GNE: variants seen among roughly 807,000 people sequenced by gnomAD.
GNE encodes bifunctional UDP-N-acetylglucosamine 2-epimerase/N-acetylmannosamine kinase.
A neutral mutation model predicts 61.8 loss-of-function variants in GNE; 41 were observed. The ratio of observed to expected loss-of-function variants is 0.66; its 90% CI spans 0.52 to 0.86. The LOEUF (loss-of-function observed/expected upper bound fraction) is 0.86. Ranked by LOEUF, GNE falls within the 40% of genes least tolerant of loss-of-function variation. The pLI is 0.00. For synonymous variants in GNE, 264 were observed against 326.4 expected (o/e 0.81, Z 2.06); for missense variants, 608 against 909.1 (o/e 0.67, Z 4.26).
At chr9:36,245,153 A>G (rs977915592) in intron 3 of GNE, among the ~76,000 whole-genome samples, 11 of 150,746 alleles carry the variant, frequency 7.3e-5, no homozygotes, top group African/African-American at 2.4e-4. Context: ...AATCCCAGCC[A>G]CTCGGGAGGT....
rs1302965650 is a variant in GNE at position 36,220,532 on chromosome 9, A to G, written c.1634-512T>C. On this transcript the variant is annotated intron_variant, in intron 9 of 11. Coordinates refer to ENST00000642385, the MANE Select transcript of GNE (RefSeq NM_005476.7). ...CCCCTTTGCCCTCAAGTCAACTTCA[A>G]TAATGTTAATATATCCTTAATGGCT... Among the ~76,000 whole-genome samples, 6 of 152,114 alleles carry G rather than the reference A, an allele frequency of 3.9e-5. No homozygotes were observed. The South Asian group carries it at 1.0e-3, about 26-fold the overall frequency.
At chr9:36,226,873 G>A (rs1828890186) in intron 7 of GNE, among the ~76,000 whole-genome samples, 1 of 152,180 alleles carries the variant, frequency 6.6e-6, no homozygotes, top group African/African-American at 2.4e-5. Context: ...CTAGAGAAGA[G>A]GCAGCTCCCT....
intron 3 of GNE, among the ~76,000 whole-genome samples, chr9:36,243,435 A>C (rs1829733600): frequency 6.6e-6 from 1 of 152,324 alleles, no homozygotes; most frequent in East Asian, 1.9e-4. Flanking sequence ...AACAGAATCC[A>C]AGAGTGTTTC....
At chr9:36,256,226 G>T in intron 1 of GNE, among the ~76,000 whole-genome samples, 1 of 128,140 alleles carries the variant, frequency 7.8e-6, no homozygotes, top group South Asian at 2.7e-4. Context: ...TACCCAGCCA[G>T]AGAAACCCAA....
chr9:36,220,474 C>T (rs1398510481), intron 9 of GNE, among the ~76,000 whole-genome samples: 2 of 152,214 alleles, frequency 1.3e-5, no homozygotes, highest in African/African-American at 4.8e-5. Context: ...TGCTGTTCTG[C>T]AGGCTTCTTA....
chr9:36,264,374 A>G (rs985632044), intron 1 of GNE, among the ~76,000 whole-genome samples: 1 of 152,060 alleles, frequency 6.6e-6, no homozygotes, highest in African/African-American at 2.4e-5. Context: ...AGCTCAGGCA[A>G]TCCGCCTGCC....
At chr9:36,235,471 C>T (rs1244665132) in intron 4 of GNE, among the ~76,000 whole-genome samples, 1 of 152,082 alleles carries the variant, frequency 6.6e-6, no homozygotes, top group Non-Finnish European at 1.5e-5. Context: ...CTTAGATATA[C>T]CTGGGACCCT....
intron 7 of GNE, among the ~76,000 whole-genome samples, chr9:36,226,742 A>C (rs563397304): frequency 3.3e-5 from 5 of 152,312 alleles, no homozygotes; most frequent in Non-Finnish European, 5.9e-5. Context: ...ATTTTTATGA[A>C]TGTTCTCTCA....
At chr9:36,226,768 T>C (rs1313825929) in intron 7 of GNE, among the ~76,000 whole-genome samples, 1 of 152,162 alleles carries the variant, frequency 6.6e-6, no homozygotes, top group Non-Finnish European at 1.5e-5. Context: ...CAACACTGGG[T>C]GATGGTTTGG....
intron 8 of GNE, among the ~76,000 whole-genome samples, 164 bp downstream of exon 8, chr9:36,223,209 T>C (rs1280784256): frequency 1.3e-5 from 2 of 152,224 alleles, no homozygotes; most frequent in Non-Finnish European, 2.9e-5. Flanking sequence ...CTCCTAATGC[T>C]TGTTGGTGTC....
intron 1 of GNE, among the ~76,000 whole-genome samples, chr9:36,274,053 C>T (rs931386117): frequency 1.3e-5 from 2 of 149,658 alleles, no homozygotes; most frequent in African/African-American, 5.0e-5. Flanking sequence ...AACCCAGGTG[C>T]TTCGGTCTAT....
chr9:36,258,386 G>A lies in GNE; in HGVS notation c.-108C>T, dbSNP rs1488232757. On this transcript the variant is annotated 5_prime_UTR_variant, in exon 1 of 12. Transcript: ENST00000642385. ...TCCTCGGGCGAGGGACGAACCAAGC[G>A]CCACGAAGCAGGCAGAGCGCGAGCC... is the stretch of plus-strand genomic sequence containing the variant. The A allele has an allele frequency of 1.0e-6, 1 of 985,506 alleles. No homozygotes were observed. Among genetic ancestry groups the A allele is most frequent in the African/African-American group, 1.7e-5 (1 of 57,358 alleles). The allele number at this position is 985,506 out of a possible 1,614,324, so 61.0% of individuals were successfully genotyped here. A position where few individuals can be genotyped will look rare whatever the true frequency, so the allele number is the denominator to read the frequency against.
intron 4 of GNE, 74 bp from the exon 5 acceptor site, chr9:36,234,206 C>T (rs1312001070): frequency 1.7e-6 from 2 of 1,162,102 alleles, no homozygotes; most frequent in Non-Finnish European, 1.3e-6. Context: ...CAAGTATAGC[C>T]CACGTAAAGA....
intron 3 of GNE, 29 bp downstream of exon 3, chr9:36,246,002 T>G: frequency 6.5e-7 from 1 of 1,543,028 alleles, no homozygotes; most frequent in South Asian, 1.1e-5. Flanking sequence ...AAAACAGCCA[T>G]TAGACTGACT....
chr9:36,248,246 C>T (rs937542022), intron 2 of GNE, among the ~76,000 whole-genome samples: 4 of 151,834 alleles, frequency 2.6e-5, no homozygotes, highest in African/African-American at 9.7e-5. Flanking sequence ...CAAGGGTGCA[C>T]TAAATGACTT....
At chr9:36,253,110 C>T (rs574441671) in intron 1 of GNE, among the ~76,000 whole-genome samples, 2 of 151,906 alleles carry the variant, frequency 1.3e-5, no homozygotes, top group South Asian at 2.1e-4. Flanking sequence ...TGCGGTGAGC[C>T]AAGATGGTGC....
intron 9 of GNE, among the ~76,000 whole-genome samples, chr9:36,221,804 G>T (rs967921726): frequency 6.6e-6 from 1 of 152,066 alleles, no homozygotes; most frequent in Admixed American, 6.5e-5. Flanking sequence ...AACATGGTGA[G>T]ACCCTGTCTA....
At chr9:36,266,222 C>T (rs1465103547) in intron 1 of GNE, among the ~76,000 whole-genome samples, 2 of 152,186 alleles carry the variant, frequency 1.3e-5, no homozygotes, top group African/African-American at 4.8e-5. Context: ...TAAGCCACCG[C>T]GCCCGACCTG....
chr9:36,248,359 G>T (rs1829986847), intron 2 of GNE, among the ~76,000 whole-genome samples: 1 of 150,580 alleles, frequency 6.6e-6, no homozygotes, highest in South Asian at 2.1e-4. Context: ...TTGTTGCCCA[G>T]GCTGGAGTGC....
Sources: gnomAD v4.1 joint callset for allele counts (sites outside exome capture counted in the v4.1 genomes callset) on GRCh38, gnomAD v4.1.1 for gene constraint, MANE v1.5 for transcripts, NCBI Gene and HGNC (gene_info 2026-07-23, HGNC 2026-07-21) for gene names.